The following BTBD9 variants were observed in gnomAD, a reference collection of about 807,000 sequenced individuals.
BTBD9 encodes BTB domain containing 9.
A neutral mutation model predicts 64.3 loss-of-function variants in BTBD9; 49 were observed. That is an observed-to-expected ratio of 0.76 (90% CI 0.61 to 0.97). The LOEUF is 0.97. Ranked by LOEUF, BTBD9 falls within the 50% of genes least tolerant of loss-of-function variation. The probability of loss-of-function intolerance (pLI) is 0.00; values close to 1 mark genes in which losing one functional copy is unlikely to be tolerated. For synonymous variants in BTBD9, 260 were observed against 274.7 expected, an observed-to-expected ratio of 0.95 and a Z score of 0.53; for missense variants, 598 against 762.1, an observed-to-expected ratio of 0.78 and a Z score of 2.53.
chr6:38,492,867 T>C (rs1233707952), intron 6 of BTBD9, among the ~76,000 whole-genome samples: 1 of 152,206 alleles, frequency 6.6e-6, no homozygotes, highest in Non-Finnish European at 1.5e-5. Flanking sequence ...AAAAATTACA[T>C]GATGATATAA....
intron 6 of BTBD9, among the ~76,000 whole-genome samples, chr6:38,378,050 A>C (rs1172814982): frequency 6.6e-6 from 1 of 152,106 alleles, no homozygotes; most frequent in Non-Finnish European, 1.5e-5. Flanking sequence ...TCCCCTGGCA[A>C]ACAGTGTGAA....
chr6:38,470,446 T>A (rs1770600108), intron 6 of BTBD9, among the ~76,000 whole-genome samples: 1 of 152,158 alleles, frequency 6.6e-6, no homozygotes, highest in Non-Finnish European at 1.5e-5. Flanking sequence ...ACGGACTGGA[T>A]TATAACTCAG....
rs567711602 is a variant in BTBD9, at chr6:38,361,213, G to C, written c.1155-16120C>G. ...TAGGGGGTGGGGACTATATTAGTCT[G>C]AATCATAATAAATACCCATAGTCAG... On this transcript the variant is annotated intron_variant, in intron 6 of 10. Coordinates refer to ENST00000481247, the MANE Select transcript of BTBD9 (RefSeq NM_001099272.2). 2.0e-5 allele frequency among the ~76,000 whole-genome samples: 3 copies of C among 152,272 alleles called. 1 individual carries two copies. The highest frequency in any genetic ancestry group is 7.2e-5 in the African/African-American group (3 of 41,544).
At chr6:38,296,157 T>C (rs1315874843) in intron 7 of BTBD9, among the ~76,000 whole-genome samples, 1 of 152,214 alleles carries the variant, frequency 6.6e-6, no homozygotes. Context: ...TTTAAAGTAA[T>C]TGTAAATCTT....
chr6:38,299,368 A>G (rs1425449493), intron 7 of BTBD9, among the ~76,000 whole-genome samples: 2 of 152,194 alleles, frequency 1.3e-5, no homozygotes, highest in Non-Finnish European at 2.9e-5. Context: ...TTGGGTATAT[A>G]CCCAGTAATG....
intron 6 of BTBD9, among the ~76,000 whole-genome samples, chr6:38,556,550 T>A (rs13210741): frequency 8.3e-4 from 51 of 61,678 alleles, no homozygotes; most frequent in Admixed American, 1.6e-3. Context: ...TGTGTGTGTG[T>A]GAGAGAGAGA....
chr6:38,580,343 A>G lies in BTBD9; in HGVS notation c.909T>C (p.Tyr303=). The change falls in exon 5 of 11, where the codon TAT becomes TAC. Residue 303 remains tyrosine (Y), a synonymous_variant. Coordinates refer to ENST00000481247, the MANE Select transcript of BTBD9 (RefSeq NM_001099272.2). ...SALLDGDTQN[Y]DLDHGFSRHP... ...GCCTTGAAAATCCATGATCCAAATC[A>G]TAATTTTGAGTATCACCATCTAATA... 1 of 1,614,280 alleles carries G rather than the reference A, an allele frequency of 6.2e-7. No homozygotes were observed. The highest frequency in any genetic ancestry group is 8.5e-7 in the Non-Finnish European group (1 of 1,180,054).
chr6:38,552,157 G>A (rs1342408927), intron 6 of BTBD9, among the ~76,000 whole-genome samples: 8 of 152,154 alleles, frequency 5.3e-5, no homozygotes, highest in Admixed American at 5.2e-4. Flanking sequence ...TTTGGCTTAG[G>A]ATCAAGATGC....
intron 6 of BTBD9, among the ~76,000 whole-genome samples, chr6:38,538,361 A>G (rs1385835082): frequency 2.0e-5 from 3 of 152,202 alleles, no homozygotes; most frequent in Non-Finnish European, 4.4e-5. Context: ...CAACACTAAT[A>G]ATAAAAGGCA....
intron 6 of BTBD9, among the ~76,000 whole-genome samples, chr6:38,574,109 G>A (rs560154426): frequency 3.3e-5 from 5 of 152,294 alleles, no homozygotes; most frequent in Admixed American, 2.6e-4. Context: ...GCTACATAGA[G>A]CAATCCCCAC....
intron 10 of BTBD9, among the ~76,000 whole-genome samples, chr6:38,186,489 CT>C (rs1474869908): frequency 4.6e-5 from 7 of 152,134 alleles, no homozygotes; most frequent in Admixed American, 4.6e-4. Context: ...ATGCCACGGC[CT>C]CTTGATAATG....
intron 6 of BTBD9, among the ~76,000 whole-genome samples, chr6:38,441,987 C>T (rs575473911): frequency 6.6e-6 from 1 of 152,248 alleles, no homozygotes; most frequent in South Asian, 2.1e-4. Flanking sequence ...AAGCCTTCCT[C>T]CCAAAATTCC....
intron 8 of BTBD9, among the ~76,000 whole-genome samples, chr6:38,271,955 A>G (rs1765210539): frequency 6.7e-6 from 1 of 149,030 alleles, no homozygotes; most frequent in Non-Finnish European, 1.5e-5. Flanking sequence ...TTCTCCTAAA[A>G]GAACTACAAA....
intron 9 of BTBD9, among the ~76,000 whole-genome samples, chr6:38,248,882 A>G (rs938269052): frequency 3.3e-5 from 5 of 152,236 alleles, no homozygotes; most frequent in Non-Finnish European, 7.3e-5. Flanking sequence ...CTCATTTATA[A>G]ATCGAGGAGA....
chr6:38,427,208 T>C lies in BTBD9; in HGVS notation c.1155-82115A>G, dbSNP rs561807471. On this transcript the variant is annotated intron_variant, in intron 6 of 10. Coordinates refer to ENST00000481247, the MANE Select transcript of BTBD9 (RefSeq NM_001099272.2). ...AAAAAAAAAAAAAAAGCTGATGCCA[T>C]GCTGAGTATGGTGGCTCCCACCTAT... Among the ~76,000 whole-genome samples the C allele has an allele frequency of 6.0e-5, 9 of 148,976 alleles. No homozygotes were observed. The East Asian group carries it at 1.8e-3, about 29-fold the overall frequency.
chr6:38,260,356 TA>T (rs1764747955), intron 8 of BTBD9, among the ~76,000 whole-genome samples: 1 of 152,192 alleles, frequency 6.6e-6, no homozygotes, highest in Non-Finnish European at 1.5e-5. Context: ...GTGGGATTTT[TA>T]ATTATTTATG....
At chr6:38,525,978 T>C (rs1773467708) in intron 6 of BTBD9, among the ~76,000 whole-genome samples, 1 of 152,168 alleles carries the variant, frequency 6.6e-6, no homozygotes, top group African/African-American at 2.4e-5. Context: ...TCTGGGGAGA[T>C]ATAAAAGCTG....
intron 6 of BTBD9, among the ~76,000 whole-genome samples, chr6:38,546,068 G>T (rs1179431352): frequency 6.6e-6 from 1 of 152,122 alleles, no homozygotes; most frequent in East Asian, 1.9e-4. Context: ...TCTGAAGGCA[G>T]GGCCCCTAGG....
At chr6:38,302,485 G>GTATGTGTGTGTGTGTATATATATA (rs1384155514) in intron 7 of BTBD9, among the ~76,000 whole-genome samples, 23 of 106,890 alleles carry the variant, frequency 2.2e-4, no homozygotes, top group African/African-American at 7.8e-4. Flanking sequence ...TTGTGTGTAT[G>GTATGTGTGTGTGTGTATATATATA]TATATATATA....
Sources: gnomAD v4.1 joint callset for allele counts (sites outside exome capture counted in the v4.1 genomes callset) on GRCh38, gnomAD v4.1.1 for gene constraint, MANE v1.5 for transcripts, NCBI Gene and HGNC (gene_info 2026-07-23, HGNC 2026-07-21) for gene names.